The following PXDNL variants were observed in gnomAD, a reference collection of about 807,000 sequenced individuals.
PXDNL encodes the protein peroxidasin like.
PXDNL carries 145 observed loss-of-function variants against 150.8 expected under a neutral mutation model. That is an observed-to-expected ratio of 0.96 (90% CI 0.84 to 1.10). The LOEUF (loss-of-function observed/expected upper bound fraction) is 1.10. Among genes scored for constraint, PXDNL ranks in the 50% least tolerant of loss-of-function variants. The pLI is 0.00. For missense variants in PXDNL, 2,087 were observed against 1,873.9 expected, an observed-to-expected ratio of 1.11 and a Z score of -2.10; for synonymous variants, 757 against 725.7, an observed-to-expected ratio of 1.04 and a Z score of -0.69.
intron 19 of PXDNL, among the ~76,000 whole-genome samples, chr8:51,361,937 C>CAAAAAAAAAAAAAAAAAAAAAAAAAAAAA (rs57092440): frequency 1.7e-5 from 1 of 58,052 alleles, no homozygotes; most frequent in African/African-American, 7.0e-5. Flanking sequence ...GATTCCATCT[C>CAAAAAAAAAAAAAAAAAAAAAAAAAAAAA]AAAAAAAAAA....
chr8:51,638,297 G>A (rs1041393193), intron 2 of PXDNL, among the ~76,000 whole-genome samples: 3 of 152,080 alleles, frequency 2.0e-5, no homozygotes, highest in Non-Finnish European at 4.4e-5. Flanking sequence ...ATCAACTAAC[G>A]ACCAAAATAA....
At position 51,667,160 on chromosome 8, in the gene PXDNL, G is replaced by A. The variant is rs7827765; in HGVS notation, c.165-12400C>T. On this transcript the variant is annotated intron_variant, in intron 1 of 22. Coordinates refer to ENST00000356297, the MANE Select transcript of PXDNL (RefSeq NM_144651.5). ...ATTCTGCTCAATCATGATCTCTTCCGTAAAGCCTTGAATCTGATAAGAAAG... is the reference window on the plus strand; with the variant it reads ...ATTCTGCTCAATCATGATCTCTTCCATAAAGCCTTGAATCTGATAAGAAAG... Among the ~76,000 whole-genome samples the A allele has an allele frequency of 1.6e-3, 236 of 152,140 alleles. 3 individuals carry two copies. The highest frequency in any genetic ancestry group is 5.0e-3 in the African/African-American group (207 of 41,506).
In PXDNL at chr8:51,689,884, C is replaced by T. The variant is rs536372020; in HGVS notation, c.165-35124G>A. On this transcript the variant is annotated intron_variant, in intron 1 of 22. Transcript: ENST00000356297. ...AACATCTCTGATAAATACGAGCCTT[C>T]GGCACAGGTTCACTGCCACAGGGAT... Among the ~76,000 whole-genome samples, 3 of 152,330 alleles carry T rather than the reference C, an allele frequency of 2.0e-5. No homozygotes were observed. The East Asian group carries it at 5.8e-4, about 29-fold the overall frequency.
intron 2 of PXDNL, among the ~76,000 whole-genome samples, chr8:51,643,182 G>GA (rs1814813458): frequency 6.6e-6 from 1 of 152,000 alleles, no homozygotes; most frequent in Non-Finnish European, 1.5e-5. Flanking sequence ...CATAGAATTG[G>GA]AAAAAACTAC....
At chr8:51,356,430 A>G (rs1238406686) in intron 19 of PXDNL, among the ~76,000 whole-genome samples, 2 of 151,790 alleles carry the variant, frequency 1.3e-5, no homozygotes, top group African/African-American at 4.8e-5. Context: ...TGGAGGTTGC[A>G]GTGAGCCGAG....
intron 1 of PXDNL, among the ~76,000 whole-genome samples, chr8:51,800,651 A>G (rs1480621384): frequency 6.6e-6 from 1 of 152,234 alleles, no homozygotes; most frequent in African/African-American, 2.4e-5. Flanking sequence ...ATATGGACAC[A>G]TATCAGTTCC....
At chr8:51,715,684 C>T (rs1309291174) in intron 1 of PXDNL, among the ~76,000 whole-genome samples, 6 of 152,122 alleles carry the variant, frequency 3.9e-5, no homozygotes, top group Non-Finnish European at 7.3e-5. Flanking sequence ...AATTTATTCA[C>T]CCTCCAAAGA....
chr8:51,375,343 C>T (rs1807269438), intron 17 of PXDNL, among the ~76,000 whole-genome samples: 1 of 152,226 alleles, frequency 6.6e-6, no homozygotes, highest in Admixed American at 6.5e-5. Flanking sequence ...TGGCTCACCA[C>T]TCAGAGAAAG....
chr8:51,353,442 T>C (rs74889071), intron 19 of PXDNL, among the ~76,000 whole-genome samples: 2,581 of 152,072 alleles, frequency 0.017, 84 homozygotes, highest in African/African-American at 0.059. Context: ...CCCATAAATT[T>C]TGATAATAAT....
intron 1 of PXDNL, among the ~76,000 whole-genome samples, chr8:51,731,952 G>T (rs917956606): frequency 2.6e-5 from 4 of 152,166 alleles, no homozygotes; most frequent in African/African-American, 9.7e-5. Flanking sequence ...GGAGACCTCA[G>T]ACATGTTCTG....
chr8:51,552,653 A>T (rs765606962), intron 4 of PXDNL, among the ~76,000 whole-genome samples: 1 of 152,166 alleles, frequency 6.6e-6, no homozygotes, highest in Non-Finnish European at 1.5e-5. Flanking sequence ...TTAGAATTAT[A>T]TAAGGGACTC....
At chr8:51,413,889 C>T (rs997940587) in intron 14 of PXDNL, among the ~76,000 whole-genome samples, 5 of 151,900 alleles carry the variant, frequency 3.3e-5, no homozygotes, top group African/African-American at 9.7e-5. Context: ...AAAATAATTA[C>T]GAATGAATAT....
At chr8:51,775,891 T>C (rs2037347762) in intron 1 of PXDNL, among the ~76,000 whole-genome samples, 1 of 152,210 alleles carries the variant, frequency 6.6e-6, no homozygotes, top group Non-Finnish European at 1.5e-5. Context: ...AACAGAGCCA[T>C]ATTTCTCTTC....
intron 5 of PXDNL, among the ~76,000 whole-genome samples, chr8:51,494,166 T>C (rs1188438618): frequency 6.6e-6 from 1 of 152,192 alleles, no homozygotes; most frequent in Non-Finnish European, 1.5e-5. Flanking sequence ...CAGAATTTCA[T>C]ATCCAGCCAA....
At chr8:51,673,813 C>T (rs971683495) in intron 1 of PXDNL, among the ~76,000 whole-genome samples, 1 of 152,126 alleles carries the variant, frequency 6.6e-6, no homozygotes, top group African/African-American at 2.4e-5. Flanking sequence ...AACATCAGGC[C>T]TTCAGCAATT....
chr8:51,428,596 A>G (rs1196178556), intron 12 of PXDNL, among the ~76,000 whole-genome samples: 1 of 152,204 alleles, frequency 6.6e-6, no homozygotes, highest in Non-Finnish European at 1.5e-5. Context: ...TTAATGAAAG[A>G]GCAGAAGCAG....
chr8:51,657,807 T>A (rs1420232079), intron 1 of PXDNL, among the ~76,000 whole-genome samples: 2 of 152,236 alleles, frequency 1.3e-5, no homozygotes, highest in African/African-American at 4.8e-5. Flanking sequence ...TATCACTGGA[T>A]TGATTTGAAA....
intron 17 of PXDNL, among the ~76,000 whole-genome samples, chr8:51,399,724 G>C (rs1808191084): frequency 6.6e-6 from 1 of 152,184 alleles, no homozygotes; most frequent in African/African-American, 2.4e-5. Flanking sequence ...TGTACCACAT[G>C]CCACTTTTGA....
chr8:51,623,684 G>A (rs1236001630), intron 2 of PXDNL, among the ~76,000 whole-genome samples: 8 of 152,298 alleles, frequency 5.3e-5, no homozygotes, highest in Middle Eastern at 3.4e-3. Context: ...TGTGCAGAGC[G>A]CAGCCCAGCT....
Sources: gnomAD v4.1 joint callset for allele counts (sites outside exome capture counted in the v4.1 genomes callset) on GRCh38, gnomAD v4.1.1 for gene constraint, MANE v1.5 for transcripts, NCBI Gene and HGNC (gene_info 2026-07-23, HGNC 2026-07-21) for gene names.